Variants in POGLUT3 observed in about 807,000 individuals in gnomAD.
POGLUT3 encodes the protein KDEL (Lys-Asp-Glu-Leu) containing 2.
POGLUT3 carries 48 observed loss-of-function variants against 54.3 expected under a neutral mutation model. The ratio of observed to expected loss-of-function variants is 0.88; its 90% CI spans 0.70 to 1.12. The LOEUF (loss-of-function observed/expected upper bound fraction) is 1.12. Ranked by LOEUF, POGLUT3 falls within the 50% of genes most tolerant of loss-of-function variation. The pLI is 0.00. For synonymous variants in POGLUT3, 218 were observed against 237.4 expected (o/e 0.92, Z 0.75); for missense variants, 629 against 618.7 (o/e 1.02, Z -0.18).
chr11:108,477,727 A>C lies in POGLUT3; in HGVS notation c.1294-16T>G, dbSNP rs11212665. 2.9e-4 allele frequency: 448 copies of C among 1,539,494 alleles called. 11 individuals carry two copies. The East Asian group carries it at 5.7e-3, about 20-fold the overall frequency. ...CATCATTTTCCTGAAAGGTTAAAAA[A>C]AATAAAAATGAATGAAAATTACTAC... On this transcript the variant is annotated splice_polypyrimidine_tract_variant and intron_variant, in intron 6 of 7. Transcript: ENST00000323468.
At chr11:108,475,132 C>A (rs1351205856) in intron 7 of POGLUT3, among the ~76,000 whole-genome samples, 180 bp from the exon 8 acceptor site, 1 of 152,090 alleles carries the variant, frequency 6.6e-6, no homozygotes, top group Non-Finnish European at 1.5e-5. Flanking sequence ...CTATCACAGG[C>A]ACTAGTTATA....
At chr11:108,492,377 T>A (rs2093614841) in intron 1 of POGLUT3, among the ~76,000 whole-genome samples, 1 of 152,138 alleles carries the variant, frequency 6.6e-6, no homozygotes, top group African/African-American at 2.4e-5. Context: ...ACCATTTAGA[T>A]CACCATATCA....
At chr11:108,490,926 A>T (rs1366268644) in intron 2 of POGLUT3, 44 bp downstream of exon 2, 2 of 1,475,158 alleles carry the variant, frequency 1.4e-6, no homozygotes, top group Admixed American at 3.4e-5. Context: ...AAGGCATGGG[A>T]CCTACACACA....
chr11:108,481,967 C>A (rs759748174), intron 4 of POGLUT3, 39 bp downstream of exon 4: 2 of 1,509,668 alleles, frequency 1.3e-6, no homozygotes, highest in Middle Eastern at 1.7e-4. Context: ...TGTCTCTAAG[C>A]TTTTTCTTCA....
intron 3 of POGLUT3, among the ~76,000 whole-genome samples, chr11:108,482,584 T>C (rs2135852246): frequency 6.6e-6 from 1 of 152,070 alleles, no homozygotes; most frequent in South Asian, 2.1e-4. Flanking sequence ...CTGTCTCTAC[T>C]AAACTTACAA....
Position 108,477,716 on chromosome 11 carries a change from A to C in POGLUT3, c.1294-5T>G. On this transcript the variant is annotated splice_polypyrimidine_tract_variant and splice_region_variant and intron_variant, in intron 6 of 7. Coordinates refer to ENST00000323468, the MANE Select transcript of POGLUT3 (RefSeq NM_153705.5). ...CTTGGCTTCTTCATCATTTTCCTGA[A>C]AGGTTAAAAAAAATAAAAATGAATG... 1 of 1,581,930 alleles carries C rather than the reference A, an allele frequency of 6.3e-7. No individual in the cohort carries two copies. The highest frequency in any genetic ancestry group is 8.7e-7 in the Non-Finnish European group (1 of 1,151,192).
chr11:108,474,077 C>A lies in POGLUT3; in HGVS notation c.*750G>T, dbSNP rs1189002781. The A allele has an allele frequency of 1.3e-5, 2 of 151,896 alleles. No individual in the cohort carries two copies. Among genetic ancestry groups the A allele is most frequent in the Non-Finnish European group, 2.9e-5 (2 of 68,014 alleles). The allele number at this position is 151,896 out of a possible 1,614,324, so 9.4% of individuals were successfully genotyped here. ...CAGTGACGGGGGGCGGGGGGACAAC[C>A]CTGAACAAATATTTTCTCTTCATAA... On this transcript the variant is annotated 3_prime_UTR_variant, in exon 8 of 8. Transcript: ENST00000323468.
At chr11:108,493,803 C>CAAAAAAAAAA (rs11351337) in intron 1 of POGLUT3, among the ~76,000 whole-genome samples, 1 of 82,066 alleles carries the variant, frequency 1.2e-5, no homozygotes, top group Non-Finnish European at 2.4e-5. Flanking sequence ...GACTCTGTCT[C>CAAAAAAAAAA]AAAAAAAAAA....
intron 1 of POGLUT3, among the ~76,000 whole-genome samples, chr11:108,497,400 T>G (rs1055117020): frequency 1.3e-5 from 2 of 152,208 alleles, no homozygotes; most frequent in African/African-American, 4.8e-5. Context: ...ATTCTAATTG[T>G]CTCTTCGCTG....
At position 108,479,473 on chromosome 11, in the gene POGLUT3, T is replaced by C; in HGVS notation, c.1121A>G (p.Asp374Gly). Reference sequence around the variant, plus strand: ...ATATCTGTAAGCAGCCACGGTCCCATCCACATTTACTTGATACTTGTACTG... The same window carrying C: ...ATATCTGTAAGCAGCCACGGTCCCACCCACATTTACTTGATACTTGTACTG... ...FFKYKYQVNV[D>G]GTVAAYRYPY... is the part of the protein sequence containing the mutation. The change falls in exon 6 of 8, where the codon GAT becomes GGT. Residue 374 changes from aspartate to glycine, a missense_variant. Coordinates refer to ENST00000323468, the MANE Select transcript of POGLUT3 (RefSeq NM_153705.5). 1 of 1,596,954 alleles carries C rather than the reference T, an allele frequency of 6.3e-7. No homozygotes were observed. The highest frequency in any genetic ancestry group is 8.5e-7 in the Non-Finnish European group (1 of 1,176,048).
intron 2 of POGLUT3, among the ~76,000 whole-genome samples, chr11:108,490,350 G>A (rs530878646): frequency 7.9e-5 from 12 of 152,036 alleles, no homozygotes; most frequent in East Asian, 1.9e-4. Flanking sequence ...GGCATGCGCC[G>A]CCACCATGCC....
At chr11:108,496,002 TATATA>T (rs1565752669) in intron 1 of POGLUT3, among the ~76,000 whole-genome samples, 2 of 152,084 alleles carry the variant, frequency 1.3e-5, no homozygotes, top group Admixed American at 6.5e-5. Flanking sequence ...TATTTATGTA[TATATA>T]ATATATGTAC....
intron 1 of POGLUT3, among the ~76,000 whole-genome samples, chr11:108,491,711 G>T (rs1310264437): frequency 6.6e-6 from 1 of 152,106 alleles, no homozygotes; most frequent in African/African-American, 2.4e-5. Flanking sequence ...TCAAACCACG[G>T]ATCAGACTCA....
At chr11:108,486,036 A>G (rs2093602632) in intron 3 of POGLUT3, 121 bp downstream of exon 3, 2 of 755,032 alleles carry the variant, frequency 2.6e-6, no homozygotes, top group South Asian at 3.7e-5. Context: ...CAGGTTGCAA[A>G]TATCTTAGAT....
chr11:108,475,718 C>T (rs2135843020), intron 7 of POGLUT3, among the ~76,000 whole-genome samples: 1 of 152,192 alleles, frequency 6.6e-6, no homozygotes, highest in East Asian at 1.9e-4. Context: ...ATCTGCCTAC[C>T]TCAGCCTCCC....
At chr11:108,475,487 G>A (rs866749480) in intron 7 of POGLUT3, among the ~76,000 whole-genome samples, 31 of 78,962 alleles carry the variant, frequency 3.9e-4, no homozygotes, top group South Asian at 9.7e-4. Flanking sequence ...TTTTTTTTGA[G>A]ACACGGTCTT....
rs1469309275 is a variant in POGLUT3, at chr11:108,472,643, T to A, written c.*2184A>T. On this transcript the variant is annotated 3_prime_UTR_variant, in exon 8 of 8. Transcript: ENST00000323468. ...CTTGCTTTTAACTATTAGGCCTGTT[T>A]GGCAGAGGCAATATAAATTTTTAAA... 1.3e-5 allele frequency: 2 copies of A among 152,244 alleles called. No homozygotes were observed. The allele number at this position is 152,244 out of a possible 1,614,324, so 9.4% of individuals were successfully genotyped here.
intron 3 of POGLUT3, among the ~76,000 whole-genome samples, chr11:108,482,832 C>T (rs1180946492): frequency 6.6e-6 from 1 of 152,100 alleles, no homozygotes; most frequent in Non-Finnish European, 1.5e-5. Flanking sequence ...TGAATAGCTT[C>T]GATAACCCTC....
At chr11:108,481,866 CA>C (rs1230994693) in intron 4 of POGLUT3, 139 bp downstream of exon 4, 2 of 617,590 alleles carry the variant, frequency 3.2e-6, no homozygotes, top group African/African-American at 3.7e-5. Flanking sequence ...GGAACATCCA[CA>C]AATCTTTAAT....
Sources: allele counts gnomAD v4.1 joint callset (sites outside exome capture counted in the v4.1 genomes callset), GRCh38; gene constraint gnomAD v4.1.1; transcripts MANE v1.5; gene names NCBI Gene and HGNC (gene_info 2026-07-23, HGNC 2026-07-21).